The following NSUN7 variants were observed in gnomAD, a reference collection of about 807,000 sequenced individuals.
NSUN7 encodes protein NSUN7.
In NSUN7, 39 loss-of-function variants were observed where a neutral mutation model predicts 58.5. The observed-to-expected ratio is 0.67, with a 90% CI of 0.52 to 0.87. The LOEUF is 0.87. NSUN7 is among the 40% of genes least tolerant of loss of function. The pLI is 0.00. For missense variants in NSUN7, 765 were observed against 844.1 expected (o/e 0.91, Z 1.16); for synonymous variants, 278 against 303.7 (o/e 0.92, Z 0.88).
chr4:40,808,743 C>G lies in NSUN7; in HGVS notation c.1961C>G (p.Pro654Arg). The G allele has an allele frequency of 6.5e-7, 1 of 1,550,152 alleles. No individual in the cohort carries two copies. The highest frequency in any genetic ancestry group is 8.7e-7 in the Non-Finnish European group (1 of 1,146,702). The change falls in exon 12 of 12, where the codon CCT (proline) becomes CGT (arginine). Residue 654 changes from proline to arginine, a missense_variant. Physicochemically the swap from Pro to Arg is moderately radical, Grantham distance 103 (BLOSUM62 -2). Coordinates refer to ENST00000381782, the MANE Select transcript of NSUN7 (RefSeq NM_024677.6). Reference sequence around the variant, plus strand: ...CTGAAACCCATCAAGATTGTTCTGCCTCCAGTCTTTATGCCATTTTCAAGT... The same window carrying G: ...CTGAAACCCATCAAGATTGTTCTGCGTCCAGTCTTTATGCCATTTTCAAGT... ...VALKPIKIVL[P>R]PVFMPFSSPQ...
At chr4:40,793,480 A>T (rs920062436) in intron 8 of NSUN7, among the ~76,000 whole-genome samples, 2 of 152,184 alleles carry the variant, frequency 1.3e-5, no homozygotes, top group Non-Finnish European at 1.5e-5. Context: ...CAAAAAACAA[A>T]AAACAAAACC....
intron 10 of NSUN7, among the ~76,000 whole-genome samples, chr4:40,804,636 T>C (rs1282705655): frequency 3.3e-5 from 5 of 152,108 alleles, no homozygotes; most frequent in African/African-American, 4.8e-5. Flanking sequence ...AGGTCTAGGT[T>C]GTGTTCTGTG....
Position 40,802,839 on chromosome 4 carries a change from G to C in NSUN7, c.1400+3935G>C, listed in dbSNP as rs1298337834. ...GTTTCAGGGTACATGTGCACAATGT[G>C]CAGGTTAGTTACATATGTATACATG... On this transcript the variant is annotated intron_variant, in intron 10 of 11. Transcript: ENST00000381782. Among the ~76,000 whole-genome samples, 22 of 144,778 alleles carry C rather than the reference G, an allele frequency of 1.5e-4. No individual in the cohort carries two copies. In the Admixed American group the frequency reaches 1.5e-3, roughly 10 times the overall value. The allele number at this position is 144,778 out of a possible 152,430, so 95.0% of individuals were successfully genotyped here. A position where few individuals can be genotyped will look rare whatever the true frequency, so the allele number is the denominator to read the frequency against.
chr4:40,804,496 T>C (rs1382784262), intron 10 of NSUN7, among the ~76,000 whole-genome samples: 2 of 152,184 alleles, frequency 1.3e-5, no homozygotes, highest in African/African-American at 4.8e-5. Context: ...TTTGCAGCAT[T>C]TAATGATATG....
chr4:40,801,342 C>G (rs1743571190), intron 10 of NSUN7, among the ~76,000 whole-genome samples: 1 of 152,082 alleles, frequency 6.6e-6, no homozygotes, highest in Non-Finnish European at 1.5e-5. Flanking sequence ...ATCATTAGAT[C>G]CTTGTGGAGA....
At chr4:40,789,257 G>A (rs1742971884) in intron 7 of NSUN7, among the ~76,000 whole-genome samples, 1 of 152,148 alleles carries the variant, frequency 6.6e-6, no homozygotes, top group Admixed American at 6.5e-5. Flanking sequence ...TCCAGATTGT[G>A]GGAAACTCTG....
At chr4:40,785,860 A>T (rs1742792469) in intron 7 of NSUN7, among the ~76,000 whole-genome samples, 1 of 152,256 alleles carries the variant, frequency 6.6e-6, no homozygotes, top group Non-Finnish European at 1.5e-5. Context: ...TACATGCATG[A>T]TAAGAAGTTA....
At chr4:40,766,282 T>A (rs1326509367) in intron 4 of NSUN7, among the ~76,000 whole-genome samples, 1 of 62,120 alleles carries the variant, frequency 1.6e-5, no homozygotes, top group Admixed American at 2.0e-4. Context: ...TTGAGAGTTT[T>A]TAGCATGAAG....
In NSUN7 at chr4:40,810,278, C is replaced by T. The variant is rs1456646333; in HGVS notation, c.*1339C>T. ...CTTAGATTTACATTTATCAGTAAAA[C>T]GTGTCAGTGGGCTGGGTGCAGTGGC... On this transcript the variant is annotated 3_prime_UTR_variant, in exon 12 of 12. Coordinates refer to ENST00000381782, the MANE Select transcript of NSUN7 (RefSeq NM_024677.6). 1.3e-5 allele frequency: 2 copies of T among 151,976 alleles called. No individual in the cohort carries two copies. The highest frequency in any genetic ancestry group is 2.1e-4 in the South Asian group (1 of 4,826). The allele number at this position is 151,976 out of a possible 1,614,324, so 9.4% of individuals were successfully genotyped here.
At chr4:40,765,856 G>A (rs1190069503) in intron 4 of NSUN7, among the ~76,000 whole-genome samples, 1 of 152,178 alleles carries the variant, frequency 6.6e-6, no homozygotes, top group African/African-American at 2.4e-5. Flanking sequence ...GTGAATGGGA[G>A]TTCACTCATG....
Position 40,760,463 on chromosome 4 carries a change from G to A in NSUN7, c.328G>A (p.Asp110Asn). 6.2e-7 allele frequency: 1 copy of A among 1,609,890 alleles called. No individual in the cohort carries two copies. The highest frequency in any genetic ancestry group is 1.1e-5 in the South Asian group (1 of 90,396). The part of the protein sequence containing the change: ...YQDILETILI[D>N]SCIFPSTTIP... The stretch of plus-strand genomic sequence containing the variant: ...AGATATTTTGGAAACTATATTGATA[G>A]ACAGCTGTATCTTCCCAAGTACCAC... The change falls in exon 3 of 12, where the codon GAC becomes AAC. Residue 110 changes from aspartate to asparagine, a missense_variant. Coordinates refer to ENST00000381782, the MANE Select transcript of NSUN7 (RefSeq NM_024677.6).
intron 4 of NSUN7, among the ~76,000 whole-genome samples, chr4:40,764,057 AATTTTTT>A (rs879336155): frequency 4.0e-5 from 6 of 151,152 alleles, no homozygotes; most frequent in Middle Eastern, 3.2e-3. Context: ...TGTTTTTTTT[AATTTTTT>A]AATTTTTTAA....
At chr4:40,782,119 C>G (rs1457237476) in intron 7 of NSUN7, among the ~76,000 whole-genome samples, 1 of 151,986 alleles carries the variant, frequency 6.6e-6, no homozygotes, top group Admixed American at 6.6e-5. Flanking sequence ...TTGCAGGATA[C>G]AAAACGAATA....
At position 40,761,071 on chromosome 4, in the gene NSUN7, C is replaced by T. The variant is rs574352730; in HGVS notation, c.358-100C>T. 75 of 931,286 alleles carry T rather than the reference C, an allele frequency of 8.1e-5. No individual in the cohort carries two copies. In the African/African-American group the frequency reaches 8.9e-4, roughly 11 times the overall value. The allele number at this position is 931,286 out of a possible 1,614,324, so 57.7% of individuals were successfully genotyped here. A position where few individuals can be genotyped will look rare whatever the true frequency, so the allele number is the denominator to read the frequency against. On this transcript the variant is annotated intron_variant, in intron 3 of 11. Transcript: ENST00000381782. ...AGACTATGTAAAAATAGTCGTATTC[C>T]TGCTCTGTTATGAAAAATAATGGAA...
rs547880127 is a variant in NSUN7 at position 40,764,303 on chromosome 4, C to T, written c.488+3002C>T. Among the ~76,000 whole-genome samples, 4 of 141,322 alleles carry T rather than the reference C, an allele frequency of 2.8e-5. 1 individual carries two copies. The highest frequency in any genetic ancestry group is 1.0e-4 in the African/African-American group (4 of 38,256). 92.7% of individuals were successfully genotyped at this position (141,322 alleles called of 152,430 possible). A position where few individuals can be genotyped will look rare whatever the true frequency, so the allele number is the denominator to read the frequency against. On this transcript the variant is annotated intron_variant, in intron 4 of 11. Coordinates refer to ENST00000381782, the MANE Select transcript of NSUN7 (RefSeq NM_024677.6). The stretch of plus-strand genomic sequence containing the variant: ...CCATGTATGTTCTCATTGTTCAATT[C>T]CCACCTATAAGTGAGAACATGCAGT...
At chr4:40,787,513 C>A (rs1424927816) in intron 7 of NSUN7, among the ~76,000 whole-genome samples, 1 of 151,942 alleles carries the variant, frequency 6.6e-6, no homozygotes, top group African/African-American at 2.4e-5. Flanking sequence ...CAATTTTATG[C>A]CAATAAACTT....
In NSUN7 at chr4:40,808,986, C is replaced by T. The variant is rs1345377498; in HGVS notation, c.*47C>T. ...GGCCAAAGAGCAGTTGATTTTTTTT[C>T]AAAGTCTAGTATTTCTCTGAAGATT... On this transcript the variant is annotated 3_prime_UTR_variant, in exon 12 of 12. Transcript: ENST00000381782. 1.4e-6 allele frequency: 2 copies of T among 1,451,762 alleles called. No homozygotes were observed. The highest frequency in any genetic ancestry group is 1.4e-5 in the African/African-American group (1 of 70,098). 89.9% of individuals were successfully genotyped at this position (1,451,762 alleles called of 1,614,324 possible).
intron 2 of NSUN7, 28 bp downstream of exon 2, chr4:40,751,019 C>T (rs918743877): frequency 1.2e-6 from 2 of 1,602,718 alleles, no homozygotes; most frequent in Admixed American, 1.7e-5. Flanking sequence ...GGAAGATCAA[C>T]ACTAAAAGAA....
intron 7 of NSUN7, chr4:40,786,085 A>G: frequency 1.3e-6 from 2 of 1,541,346 alleles, no homozygotes; most frequent in Non-Finnish European, 1.7e-6. Flanking sequence ...AAGCATTTCA[A>G]TTTGGGACAT....
Sources: gnomAD v4.1 joint callset for allele counts (sites outside exome capture counted in the v4.1 genomes callset) on GRCh38, gnomAD v4.1.1 for gene constraint, MANE v1.5 for transcripts, NCBI Gene and HGNC (gene_info 2026-07-23, HGNC 2026-07-21) for gene names.